Variants in CDYL observed in about 807,000 individuals in gnomAD.
CDYL encodes the protein chromodomain Y like.
In CDYL, 8 loss-of-function variants were observed where a neutral mutation model predicts 47.3. The observed-to-expected ratio is 0.17, with a 90% confidence interval of 0.10 to 0.31. The LOEUF (loss-of-function observed/expected upper bound fraction) is 0.31, where lower values mean the gene tolerates loss of function less well. Among genes scored for constraint, CDYL ranks in the 10% least tolerant of loss-of-function variants. The probability of loss-of-function intolerance (pLI) is 1.00; values close to 1 mark genes in which losing one functional copy is unlikely to be tolerated. For missense variants in CDYL, 471 were observed against 701.4 expected (o/e 0.67, Z 3.71); for synonymous variants, 266 against 265.0 (o/e 1.00, Z -0.04).
intron 1 of CDYL, among the ~76,000 whole-genome samples, chr6:4,715,127 TC>T (rs1757228887): frequency 6.6e-6 from 1 of 152,206 alleles, no homozygotes; most frequent in Non-Finnish European, 1.5e-5. Flanking sequence ...TCGTGCTTTC[TC>T]GTGCCTCTGT....
intron 1 of CDYL, among the ~76,000 whole-genome samples, chr6:4,887,896 T>A (rs1401001984): frequency 1.3e-5 from 2 of 151,738 alleles, no homozygotes; most frequent in East Asian, 1.9e-4. Flanking sequence ...TTTTTTTTTT[T>A]AATCATGAAG....
At chr6:4,904,738 T>C (rs1217478709) in intron 2 of CDYL, among the ~76,000 whole-genome samples, 4 of 152,200 alleles carry the variant, frequency 2.6e-5, no homozygotes, top group Non-Finnish European at 4.4e-5. Flanking sequence ...TTCTTATTTA[T>C]GTCTGTGCAG....
chr6:4,782,728 G>T (rs1345385597), intron 1 of CDYL, among the ~76,000 whole-genome samples: 1 of 152,148 alleles, frequency 6.6e-6, no homozygotes. Context: ...TTCTCAGAGG[G>T]ATATAGGACC....
chr6:4,736,191 A>T (rs1030376355), intron 3 of CDYL, among the ~76,000 whole-genome samples: 1 of 152,196 alleles, frequency 6.6e-6, no homozygotes, highest in Non-Finnish European at 1.5e-5. Context: ...CACTTAGATG[A>T]TGCTTTATTA....
In CDYL at chr6:4,947,057, G is replaced by T. The variant is rs569720762; in HGVS notation, c.1332+3301G>T. 4.6e-5 allele frequency among the ~76,000 whole-genome samples: 7 copies of T among 152,328 alleles called. No individual in the cohort carries two copies. In the South Asian group the frequency reaches 1.5e-3, roughly 32 times the overall value. On this transcript the variant is annotated intron_variant, in intron 5 of 6. Transcript: ENST00000397588. ...TGTCCAGCTTGTGGTTGGGCCCCAGGTCAGGCGCCCTGAGAATCCAGGCCC... is the reference window on the plus strand; with the variant it reads ...TGTCCAGCTTGTGGTTGGGCCCCAGTTCAGGCGCCCTGAGAATCCAGGCCC...
chr6:4,734,602 A>G (rs909882557), intron 2 of CDYL, among the ~76,000 whole-genome samples: 1 of 149,732 alleles, frequency 6.7e-6, no homozygotes, highest in Non-Finnish European at 1.5e-5. Flanking sequence ...AATTCTCTAG[A>G]TGAAAAGGAG....
At chr6:4,822,127 C>A (rs60632423) in intron 1 of CDYL, among the ~76,000 whole-genome samples, 4,010 of 151,888 alleles carry the variant, frequency 0.026, 180 homozygotes, top group African/African-American at 0.091. Flanking sequence ...CACCACAGTG[C>A]CTGGCAAATT....
chr6:4,765,779 G>T (rs1758243450), intron 3 of CDYL, among the ~76,000 whole-genome samples: 1 of 152,110 alleles, frequency 6.6e-6, no homozygotes, highest in Non-Finnish European at 1.5e-5. Context: ...GGCCAGGCTG[G>T]TCTCGAACTC....
intron 1 of CDYL, among the ~76,000 whole-genome samples, chr6:4,782,889 G>T (rs988001225): frequency 4.6e-5 from 7 of 152,192 alleles, no homozygotes; most frequent in Admixed American, 1.3e-4. Context: ...ATTGGGTTTA[G>T]AAGTTGTATG....
chr6:4,914,906 A>T (rs557213121), intron 2 of CDYL, among the ~76,000 whole-genome samples: 54 of 152,314 alleles, frequency 3.5e-4, no homozygotes, highest in African/African-American at 1.2e-3. Context: ...GTAGGCAGGG[A>T]TGAGTCGGTG....
At chr6:4,913,365 G>A (rs899652666) in intron 2 of CDYL, among the ~76,000 whole-genome samples, 6 of 152,138 alleles carry the variant, frequency 3.9e-5, no homozygotes, top group African/African-American at 1.4e-4. Flanking sequence ...ACAGCATGAG[G>A]CCCTGATACA....
At chr6:4,834,112 CATT>C (rs1760224043) in intron 1 of CDYL, among the ~76,000 whole-genome samples, 1 of 151,522 alleles carries the variant, frequency 6.6e-6, no homozygotes, top group Admixed American at 6.6e-5. Context: ...TTGATCCTGT[CATT>C]ATGATGTTAG....
At chr6:4,768,916 AAC>A (rs539294087) in intron 3 of CDYL, among the ~76,000 whole-genome samples, 2 of 152,182 alleles carry the variant, frequency 1.3e-5, no homozygotes, top group Non-Finnish European at 2.9e-5. Context: ...TCCTCCCCCA[AAC>A]ACAAAAGCCC....
intron 1 of CDYL, among the ~76,000 whole-genome samples, chr6:4,835,402 G>A (rs1423435270): frequency 2.6e-5 from 4 of 152,166 alleles, no homozygotes; most frequent in Non-Finnish European, 5.9e-5. Flanking sequence ...CATGAACCAC[G>A]AATGCTGCTG....
chr6:4,771,128 G>A (rs559752982), intron 3 of CDYL, among the ~76,000 whole-genome samples: 34 of 151,196 alleles, frequency 2.2e-4, no homozygotes, highest in South Asian at 8.4e-4. Flanking sequence ...TTTTTTTGGC[G>A]GGGGGGATGG....
chr6:4,724,341 A>T (rs1207394993), intron 2 of CDYL: 1 of 152,070 alleles, frequency 6.6e-6, no homozygotes, highest in Non-Finnish European at 1.5e-5. Context: ...GTGAGCCACC[A>T]TGCCGAGCCT....
chr6:4,943,958 C>G, intron 5 of CDYL: 1 of 483,322 alleles, frequency 2.1e-6, no homozygotes, highest in South Asian at 3.7e-5. Context: ...CACTGAGGAG[C>G]CTACCACTTT....
At chr6:4,841,456 T>C (rs1293029216) in intron 1 of CDYL, among the ~76,000 whole-genome samples, 1 of 152,198 alleles carries the variant, frequency 6.6e-6, no homozygotes, top group Non-Finnish European at 1.5e-5. Context: ...TGTTCTTGTT[T>C]TTATGATTCC....
At chr6:4,734,829 G>A (rs1395809370) in exon 3 of CDYL, 1 of 1,614,164 alleles carries the variant, frequency 6.2e-7, no homozygotes, top group East Asian at 2.2e-5. Flanking sequence ...GGGCACAGCA[G>A]CCTCCCGCTT....
Sources: allele counts gnomAD v4.1 joint callset (sites outside exome capture counted in the v4.1 genomes callset), GRCh38; gene constraint gnomAD v4.1.1; transcripts MANE v1.5; gene names NCBI Gene and HGNC (gene_info 2026-07-23, HGNC 2026-07-21).